The following ERCC6L2 variants were observed in gnomAD, a reference collection of about 807,000 sequenced individuals.
The protein encoded by ERCC6L2 is DNA excision repair protein ERCC-6-like 2.
Under a neutral mutation model 132.0 loss-of-function variants are expected in ERCC6L2, and 77 were observed. The ratio of observed to expected loss-of-function variants is 0.58; its 90% CI spans 0.49 to 0.71. The LOEUF is 0.71. Among genes scored for constraint, ERCC6L2 ranks in the 30% least tolerant of loss-of-function variants. The pLI is 0.00. For missense variants in ERCC6L2, 1,542 were observed against 1,837.6 expected (o/e 0.84, Z 2.94); for synonymous variants, 583 against 632.4 (o/e 0.92, Z 1.17).
chr9:96,037,443 G>C (rs974592960), intron 19 of ERCC6L2, among the ~76,000 whole-genome samples: 4 of 152,220 alleles, frequency 2.6e-5, no homozygotes, highest in African/African-American at 9.6e-5. Context: ...TATGGCCTCT[G>C]CCTATTTTTG....
At position 95,928,104 on chromosome 9, in the gene ERCC6L2, G is replaced by A. The variant is rs555457825; in HGVS notation, c.1559G>A (p.Cys520Tyr). ...GTCCTTCAGCAGCTTTTAAATCATT[G>A]CAGGAAAAACAGAGATAAAGTTCTT... Reference protein sequence around the residue: ...MKVLQQLLNHCRKNRDKVLLF... With the variant: ...MKVLQQLLNHYRKNRDKVLLF... Residue 520 changes from cysteine (C) to tyrosine (Y), a missense_variant, in exon 10 of 19, where the codon TGC becomes TAC. Transcript: ENST00000653738. 6.2e-7 allele frequency: 1 copy of A among 1,612,864 alleles called. No individual in the cohort carries two copies. The highest frequency in any genetic ancestry group is 1.7e-5 in the Admixed American group (1 of 59,950).
intron 11 of ERCC6L2, among the ~76,000 whole-genome samples, chr9:95,929,708 C>A (rs1741236950): frequency 6.6e-6 from 1 of 152,114 alleles, no homozygotes; most frequent in African/African-American, 2.4e-5. Flanking sequence ...TTCCCATTTT[C>A]CTATAAAGGA....
At chr9:96,026,244 G>T (rs973872741) in intron 19 of ERCC6L2, among the ~76,000 whole-genome samples, 1 of 152,206 alleles carries the variant, frequency 6.6e-6, no homozygotes, top group African/African-American at 2.4e-5. Context: ...GGGGGTTATT[G>T]GGGCTCTGCT....
intron 19 of ERCC6L2, among the ~76,000 whole-genome samples, chr9:96,026,981 A>G (rs111207217): frequency 0.14 from 19,000 of 135,628 alleles, 1,370 homozygotes; most frequent in Middle Eastern, 0.3. Flanking sequence ...CAAACACACC[A>G]CACACACACC....
chr9:96,020,456 T>C (rs908492252), downstream of ERCC6L2: 25 of 312,170 alleles, frequency 8.0e-5, no homozygotes, highest in Admixed American at 1.1e-3. Flanking sequence ...TTCACTGACA[T>C]GCCAGCAAAG....
At position 95,918,894 on chromosome 9, in the gene ERCC6L2, G is replaced by T. The variant is rs571781612; in HGVS notation, c.1159-2281G>T. 3.3e-5 allele frequency among the ~76,000 whole-genome samples: 5 copies of T among 151,974 alleles called. No individual in the cohort carries two copies. The South Asian group carries it at 1.0e-3, about 32-fold the overall frequency. ...TGTCTGTTTTTTTTTTTAAGACGGA[G>T]TCTCACTCTGTCACCCAGGCTGGAG... On this transcript the variant is annotated intron_variant, in intron 6 of 18. Coordinates refer to ENST00000653738, the MANE Select transcript of ERCC6L2 (RefSeq NM_020207.7).
intron 8 of ERCC6L2, 70 bp downstream of exon 8, chr9:95,922,488 T>TTA (rs1386160053): frequency 2.2e-6 from 2 of 915,234 alleles, no homozygotes; most frequent in African/African-American, 3.4e-5. Context: ...TTAAAATAGT[T>TTA]ATTAAATAAA....
chr9:95,936,466 C>T (rs1476101877), intron 11 of ERCC6L2, among the ~76,000 whole-genome samples: 2 of 152,140 alleles, frequency 1.3e-5, no homozygotes, highest in African/African-American at 4.8e-5. Context: ...GACTGCCTGT[C>T]TTGTGATCAA....
At chr9:95,884,416 A>G (rs1379180600) in intron 2 of ERCC6L2, among the ~76,000 whole-genome samples, 2 of 152,174 alleles carry the variant, frequency 1.3e-5, no homozygotes, top group Admixed American at 1.3e-4. Context: ...TTCAGAATGT[A>G]GTAAAATTAA....
At chr9:95,888,358 T>G (rs1284650222) in intron 2 of ERCC6L2, among the ~76,000 whole-genome samples, 2 of 152,184 alleles carry the variant, frequency 1.3e-5, no homozygotes, top group African/African-American at 4.8e-5. Flanking sequence ...AAGGAATACA[T>G]GTAAAAACAG....
intron 2 of ERCC6L2, among the ~76,000 whole-genome samples, chr9:95,884,027 T>C (rs1280949652): frequency 1.3e-5 from 2 of 152,208 alleles, no homozygotes; most frequent in Admixed American, 1.3e-4. Context: ...AGAAATTTAC[T>C]TTATTTTACA....
rs1354165430 is a variant in ERCC6L2, at chr9:95,922,985, CT to C, written c.1414-272del. On this transcript the variant is annotated intron_variant, in intron 8 of 18. Transcript: ENST00000653738. ...TTTGATATTGTTCTTTGATAGTACT[CT>C]TTACTCTTTGGGAGTATTTAGCACC... 2.0e-5 allele frequency among the ~76,000 whole-genome samples: 3 copies of C among 152,162 alleles called. No individual in the cohort carries two copies. The East Asian group carries it at 5.8e-4, about 29-fold the overall frequency.
intron 4 of ERCC6L2, among the ~76,000 whole-genome samples, chr9:95,912,187 G>T (rs1490861393): frequency 6.6e-6 from 1 of 151,988 alleles, no homozygotes; most frequent in Non-Finnish European, 1.5e-5. Context: ...TCCACTATTG[G>T]CATAGGACAC....
chr9:96,027,224 C>G (rs1207774340), intron 19 of ERCC6L2, among the ~76,000 whole-genome samples: 4 of 152,136 alleles, frequency 2.6e-5, no homozygotes, highest in Non-Finnish European at 5.9e-5. Context: ...CCCCCGCCTC[C>G]AACACCCACC....
chr9:95,963,273 G>C (rs1831998213), intron 13 of ERCC6L2, among the ~76,000 whole-genome samples: 1 of 151,734 alleles, frequency 6.6e-6, no homozygotes, highest in Admixed American at 6.6e-5. Flanking sequence ...TTCCCTATTT[G>C]CTGACATTTT....
chr9:95,994,170 G>A (rs897414360), intron 17 of ERCC6L2, among the ~76,000 whole-genome samples: 1 of 152,210 alleles, frequency 6.6e-6, no homozygotes, highest in Non-Finnish European at 1.5e-5. Flanking sequence ...GCATGATCAG[G>A]TGGATATGAG....
At chr9:95,978,267 A>G in intron 17 of ERCC6L2, 52 bp downstream of exon 17, 2 of 1,216,958 alleles carry the variant, frequency 1.6e-6, no homozygotes, top group East Asian at 1.1e-4. Flanking sequence ...TTTTCACAGA[A>G]GTTACTCAAT....
chr9:95,907,834 C>CACACACACACACACACACACACAA (rs1445012457), intron 4 of ERCC6L2, among the ~76,000 whole-genome samples: 3 of 114,486 alleles, frequency 2.6e-5, no homozygotes, highest in Middle Eastern at 5.4e-3. Flanking sequence ...ACTACACACA[C>CACACACACACACACACACACACAA]ACACACACAC....
chr9:95,889,794 G>A (rs1424374523), intron 2 of ERCC6L2, among the ~76,000 whole-genome samples: 2 of 151,998 alleles, frequency 1.3e-5, no homozygotes, highest in East Asian at 3.8e-4. Flanking sequence ...CTAATATTAG[G>A]TGATGTATTT....
Sources: gnomAD v4.1 joint callset for allele counts (sites outside exome capture counted in the v4.1 genomes callset) on GRCh38, gnomAD v4.1.1 for gene constraint, MANE v1.5 for transcripts, NCBI Gene and HGNC (gene_info 2026-07-23, HGNC 2026-07-21) for gene names.